SLC35F2: variants seen among roughly 807,000 people sequenced by gnomAD.
The protein encoded by SLC35F2 is queuine/queuosine transporter SLC35F2.
In SLC35F2, 25 loss-of-function variants were observed where a neutral mutation model predicts 38.1. The ratio of observed to expected loss-of-function variants is 0.66; its 90% CI spans 0.48 to 0.92. The LOEUF (loss-of-function observed/expected upper bound fraction) is 0.92. Among genes scored for constraint, SLC35F2 ranks in the 40% least tolerant of loss-of-function variants. The probability of loss-of-function intolerance (pLI) is 0.00; values close to 1 mark genes in which losing one functional copy is unlikely to be tolerated. For missense variants in SLC35F2, 409 were observed against 452.9 expected, an observed-to-expected ratio of 0.90 and a Z score of 0.88; for synonymous variants, 173 against 181.7, an observed-to-expected ratio of 0.95 and a Z score of 0.38.
rs569560634 is a variant in SLC35F2 at position 107,857,777 on chromosome 11, A to C, written c.110+881T>G. ...TACGGCTTGAACGCATCACCCCTTA[A>C]AGATCATCTTGTGGCCTTGGGCAAA... is the stretch of plus-strand genomic sequence containing the variant. On this transcript the variant is annotated intron_variant, in intron 1 of 7. Coordinates refer to ENST00000525815, the MANE Select transcript of SLC35F2 (RefSeq NM_017515.5). 1.4e-4 allele frequency among the ~76,000 whole-genome samples: 21 copies of C among 152,226 alleles called. 1 individual carries two copies. In the South Asian group the frequency reaches 1.9e-3, roughly 14 times the overall value.
At chr11:107,853,230 C>T (rs1010092607) in intron 1 of SLC35F2, among the ~76,000 whole-genome samples, 1 of 152,168 alleles carries the variant, frequency 6.6e-6, no homozygotes, top group African/African-American at 2.4e-5. Flanking sequence ...CCTATCTCAC[C>T]CTGGTAGACT....
intron 1 of SLC35F2, chr11:107,821,471 G>C (rs762001202): frequency 1.7e-5 from 17 of 985,238 alleles, no homozygotes; most frequent in South Asian, 4.7e-5. Flanking sequence ...TGGCGGGGAG[G>C]GGGTAGGAAA....
At chr11:107,838,152 C>T (rs940531779) in intron 1 of SLC35F2, among the ~76,000 whole-genome samples, 1 of 152,106 alleles carries the variant, frequency 6.6e-6, no homozygotes, top group African/African-American at 2.4e-5. Context: ...TGGAGACCAA[C>T]CCAAGCAGTG....
In SLC35F2 at chr11:107,849,002, A is replaced by G. The variant is rs1365228799; in HGVS notation, c.110+9656T>C. 2.6e-5 allele frequency among the ~76,000 whole-genome samples: 4 copies of G among 152,196 alleles called. No individual in the cohort carries two copies. The East Asian group carries it at 7.7e-4, about 29-fold the overall frequency. Reference sequence around the variant, plus strand: ...TCATATCACATGAGATTTTTGAAAGAGTAAAGCAGCTCTGGATTTTAGAAA... The same window carrying G: ...TCATATCACATGAGATTTTTGAAAGGGTAAAGCAGCTCTGGATTTTAGAAA... On this transcript the variant is annotated intron_variant, in intron 1 of 7. Transcript: ENST00000525815.
At chr11:107,820,773 T>C (rs1325414746) in intron 1 of SLC35F2, among the ~76,000 whole-genome samples, 2 of 152,054 alleles carry the variant, frequency 1.3e-5, no homozygotes, top group Non-Finnish European at 2.9e-5. Flanking sequence ...CTGGCTGACA[T>C]AGTGAAATCC....
intron 7 of SLC35F2, among the ~76,000 whole-genome samples, chr11:107,800,926 G>A (rs1334685776): frequency 2.0e-5 from 1 of 50,100 alleles, no homozygotes; most frequent in Non-Finnish European, 3.6e-5. Flanking sequence ...TTTTTTTTTT[G>A]AGACGGAGTT....
At chr11:107,847,253 G>C (rs1860115411) in intron 1 of SLC35F2, among the ~76,000 whole-genome samples, 1 of 151,962 alleles carries the variant, frequency 6.6e-6, no homozygotes, top group Non-Finnish European at 1.5e-5. Flanking sequence ...GTCTCGCTTT[G>C]TTGCCCAGGC....
rs1232192392 is a variant in SLC35F2, at chr11:107,793,104, AC to A, written c.940-305del. 6.5e-5 allele frequency among the ~76,000 whole-genome samples: 8 copies of A among 123,092 alleles called. No homozygotes were observed. The South Asian group carries it at 1.8e-3, about 28-fold the overall frequency. The allele number at this position is 123,092 out of a possible 152,430, so 80.8% of individuals were successfully genotyped here. A position where few individuals can be genotyped will look rare whatever the true frequency, so the allele number is the denominator to read the frequency against. ...GCCAATTTTTGTGTTTTCTGTAGAG[AC>A]GGGGTTTTTCCATGTTGCCCAGGAT... On this transcript the variant is annotated intron_variant, in intron 7 of 7. Coordinates refer to ENST00000525815, the MANE Select transcript of SLC35F2 (RefSeq NM_017515.5).
chr11:107,793,507 G>A (rs1035543995), intron 7 of SLC35F2, among the ~76,000 whole-genome samples: 1 of 152,080 alleles, frequency 6.6e-6, no homozygotes, highest in Non-Finnish European at 1.5e-5. Flanking sequence ...GCAGAGGAAC[G>A]TAAGACTATG....
At chr11:107,830,444 C>T (rs1859820923) in intron 1 of SLC35F2, among the ~76,000 whole-genome samples, 1 of 151,780 alleles carries the variant, frequency 6.6e-6, no homozygotes, top group South Asian at 2.1e-4. Flanking sequence ...ATTAGCTGGG[C>T]ATGGTGGTGG....
intron 1 of SLC35F2, among the ~76,000 whole-genome samples, chr11:107,838,128 C>T (rs540719139): frequency 4.3e-4 from 65 of 152,072 alleles, no homozygotes; most frequent in Non-Finnish European, 6.9e-4. Context: ...ACACAACTAG[C>T]AAATGGCAGA....
At chr11:107,809,019 G>A (rs192610764) in intron 3 of SLC35F2, among the ~76,000 whole-genome samples, 52 of 152,216 alleles carry the variant, frequency 3.4e-4, no homozygotes, top group African/African-American at 1.1e-3. Context: ...CTCAGGCCCC[G>A]GCCCCACGCT....
rs1257547668 is a variant in SLC35F2 at position 107,791,074 on chromosome 11, TAC to T, written c.*1539_*1540del. ...TTTACATTGTTACAAAAAATTTACA[TAC>T]AGTTTTCTGAAAGTGGCATTTTGTT... On this transcript the variant is annotated 3_prime_UTR_variant, in exon 8 of 8. Coordinates refer to ENST00000525815, the MANE Select transcript of SLC35F2 (RefSeq NM_017515.5). 4.6e-5 allele frequency: 7 copies of T among 152,578 alleles called. No individual in the cohort carries two copies. The highest frequency in any genetic ancestry group is 8.8e-5 in the Non-Finnish European group (6 of 68,030). The allele number at this position is 152,578 out of a possible 1,614,324, so 9.5% of individuals were successfully genotyped here.
At chr11:107,823,819 C>T (rs1859711652) in intron 1 of SLC35F2, 1 of 179,260 alleles carries the variant, frequency 5.6e-6, no homozygotes. Flanking sequence ...GTCCCAGCTA[C>T]TCAGGAGGCT....
chr11:107,818,502 A>G (rs1859619115), intron 1 of SLC35F2, among the ~76,000 whole-genome samples: 1 of 152,228 alleles, frequency 6.6e-6, no homozygotes, highest in South Asian at 2.1e-4. Context: ...CTTAGTATTT[A>G]TTATTTTCAT....
rs57873203 is a variant in SLC35F2, at chr11:107,837,525, T to TAAA, written c.110+21130_110+21132dup. Among the ~76,000 whole-genome samples, 346 of 121,818 alleles carry TAAA rather than the reference T, an allele frequency of 2.8e-3. 9 individuals are homozygous for TAAA. Among genetic ancestry groups the TAAA allele is most frequent in the Middle Eastern group, 0.012 (3 of 244 alleles). The allele number at this position is 121,818 out of a possible 152,430, so 79.9% of individuals were successfully genotyped here. A position where few individuals can be genotyped will look rare whatever the true frequency, so the allele number is the denominator to read the frequency against. ...CAACATGGAGAAGCCCTGTCTCTAC[T>TAAA]AAAAAAAAAAAAAAAAAAATTAGCT... On this transcript the variant is annotated intron_variant, in intron 1 of 7. Transcript: ENST00000525815.
intron 2 of SLC35F2, among the ~76,000 whole-genome samples, chr11:107,813,958 C>A (rs1310632893): frequency 6.6e-6 from 1 of 152,156 alleles, no homozygotes; most frequent in Non-Finnish European, 1.5e-5. Context: ...AGCCATCACA[C>A]CCAGCCCTAA....
chr11:107,800,073 A>G (rs1859283576), intron 7 of SLC35F2, among the ~76,000 whole-genome samples: 2 of 149,710 alleles, frequency 1.3e-5, no homozygotes, highest in South Asian at 4.2e-4. Flanking sequence ...TATTTTTAGT[A>G]GAGACAGGGT....
At chr11:107,853,789 A>G (rs967347536) in intron 1 of SLC35F2, among the ~76,000 whole-genome samples, 1 of 151,920 alleles carries the variant, frequency 6.6e-6, no homozygotes, top group East Asian at 1.9e-4. Context: ...TACAAAAGGA[A>G]CATGATAAAA....
Sources: gnomAD v4.1 joint callset for allele counts (sites outside exome capture counted in the v4.1 genomes callset) on GRCh38, gnomAD v4.1.1 for gene constraint, MANE v1.5 for transcripts, NCBI Gene and HGNC (gene_info 2026-07-23, HGNC 2026-07-21) for gene names.